NEGR1: variants seen among roughly 807,000 people sequenced by gnomAD.
NEGR1 encodes the protein IgLON family member 4.
NEGR1 carries 10 observed loss-of-function variants against 40.9 expected under a neutral mutation model. The ratio of observed to expected loss-of-function variants is 0.24; its 90% CI spans 0.15 to 0.42. The LOEUF is 0.42. Ranked by LOEUF, NEGR1 falls within the 10% of genes least tolerant of loss-of-function variation. The probability of loss-of-function intolerance (pLI) is 1.00; values close to 1 mark genes in which losing one functional copy is unlikely to be tolerated. For missense variants in NEGR1, 352 were observed against 438.9 expected, an observed-to-expected ratio of 0.80 and a Z score of 1.77; for synonymous variants, 185 against 166.8, an observed-to-expected ratio of 1.11 and a Z score of -0.84.
chr1:71,865,642 C>T (rs2993232), intron 2 of NEGR1, among the ~76,000 whole-genome samples: 5,473 of 152,120 alleles, frequency 0.036, 187 homozygotes, highest in African/African-American at 0.085. Flanking sequence ...AGGAGAAATA[C>T]TTAATGTAGA....
At chr1:72,159,025 C>T (rs1296987484) in intron 1 of NEGR1, among the ~76,000 whole-genome samples, 1 of 152,064 alleles carries the variant, frequency 6.6e-6, no homozygotes, top group East Asian at 1.9e-4. Context: ...GCTGAGACTG[C>T]TGATGGTGAG....
chr1:72,275,210 A>G (rs1289982615), intron 1 of NEGR1: 8 of 596,116 alleles, frequency 1.3e-5, no homozygotes, highest in African/African-American at 1.9e-5. Flanking sequence ...TCTTCACAAA[A>G]TATCAAAAAA....
intron 6 of NEGR1, among the ~76,000 whole-genome samples, chr1:71,534,450 C>T (rs1377580682): frequency 1.3e-5 from 2 of 151,542 alleles, no homozygotes; most frequent in Non-Finnish European, 3.0e-5. Context: ...ATCATGCTGC[C>T]TAGCTGACAG....
chr1:71,492,761 G>T (rs1182979014), intron 6 of NEGR1, among the ~76,000 whole-genome samples: 1 of 152,072 alleles, frequency 6.6e-6, no homozygotes, highest in African/African-American at 2.4e-5. Flanking sequence ...AATCCACTGG[G>T]AGTCTGATAT....
At chr1:71,489,602 T>C (rs560935928) in intron 6 of NEGR1, 1 of 152,076 alleles carries the variant, frequency 6.6e-6, no homozygotes, top group South Asian at 2.1e-4. Context: ...TAGTAACTAG[T>C]AGAGTCATGA....
intron 1 of NEGR1, chr1:72,275,219 A>G: frequency 1.7e-6 from 1 of 591,230 alleles, no homozygotes; most frequent in South Asian, 2.1e-5. Flanking sequence ...AATATCAAAA[A>G]ATTTCTATTA....
intron 2 of NEGR1, among the ~76,000 whole-genome samples, chr1:71,885,446 T>C (rs2101847701): frequency 6.6e-6 from 1 of 152,318 alleles, no homozygotes; most frequent in South Asian, 2.1e-4. Flanking sequence ...AGTTTTTTGT[T>C]TGTTTGTTTG....
intron 2 of NEGR1, among the ~76,000 whole-genome samples, chr1:71,864,569 TA>T (rs1660058108): frequency 6.6e-6 from 1 of 152,134 alleles, no homozygotes; most frequent in Admixed American, 6.6e-5. Context: ...TGGCATTTTT[TA>T]TATCCTTAAT....
At chr1:71,667,225 C>T (rs371150799) in intron 4 of NEGR1, among the ~76,000 whole-genome samples, 8 of 152,126 alleles carry the variant, frequency 5.3e-5, no homozygotes, top group South Asian at 2.1e-4. Flanking sequence ...GTTTAGTCTT[C>T]GATGTGACTC....
intron 6 of NEGR1, among the ~76,000 whole-genome samples, chr1:71,414,144 C>A (rs1285112044): frequency 6.6e-6 from 1 of 151,962 alleles, no homozygotes; most frequent in Non-Finnish European, 1.5e-5. Flanking sequence ...TGATTTACAC[C>A]CAAATAACGT....
At chr1:71,484,078 A>G (rs1012828047) in intron 6 of NEGR1, among the ~76,000 whole-genome samples, 1 of 151,642 alleles carries the variant, frequency 6.6e-6, no homozygotes, top group Admixed American at 6.6e-5. Flanking sequence ...TATTCTACTT[A>G]TTTTACTTAA....
chr1:71,912,799 T>G (rs898251602), intron 2 of NEGR1, among the ~76,000 whole-genome samples: 2 of 141,558 alleles, frequency 1.4e-5, no homozygotes, highest in African/African-American at 4.9e-5. Flanking sequence ...TGGATAGATG[T>G]ATGTACATGT....
chr1:72,258,968 A>G (rs149008905), intron 1 of NEGR1, among the ~76,000 whole-genome samples: 3 of 152,260 alleles, frequency 2.0e-5, no homozygotes, highest in Non-Finnish European at 4.4e-5. Flanking sequence ...AACAGGAAGA[A>G]AAAAGTATGG....
Position 71,775,994 on chromosome 1 carries a change from AAAATAAATAAATAAAT to A in NEGR1, c.535+162_535+177del, listed in dbSNP as rs34165866. ...GGGGACAGAGTAAGACTCTGTCTCAAAAATAAATAAATAAATAAATAAATAAATAAATAAATAAATA... is the reference window on the plus strand; with the variant it reads ...GGGGACAGAGTAAGACTCTGTCTCAAAAATAAATAAATAAATAAATAAATA... On this transcript the variant is annotated intron_variant, in intron 3 of 6. Transcript: ENST00000357731. Among the ~76,000 whole-genome samples, 152 of 141,826 alleles carry A rather than the reference AAAATAAATAAATAAAT, an allele frequency of 1.1e-3. 2 individuals carry two copies. The East Asian group carries it at 0.014, about 13-fold the overall frequency. The allele number at this position is 141,826 out of a possible 152,430, so 93.0% of individuals were successfully genotyped here.
chr1:72,255,855 T>C (rs538892977), intron 1 of NEGR1, among the ~76,000 whole-genome samples: 2 of 152,080 alleles, frequency 1.3e-5, no homozygotes, highest in Non-Finnish European at 2.9e-5. Flanking sequence ...AGCCAATACA[T>C]CTTAATTTTA....
At chr1:71,910,782 C>G (rs772869694) in intron 2 of NEGR1, among the ~76,000 whole-genome samples, 4 of 152,128 alleles carry the variant, frequency 2.6e-5, no homozygotes, top group African/African-American at 9.7e-5. Context: ...ACTGCAGCCT[C>G]GGCTTCGCAG....
intron 1 of NEGR1, among the ~76,000 whole-genome samples, chr1:71,996,737 A>T (rs1170411938): frequency 6.6e-6 from 1 of 152,120 alleles, no homozygotes; most frequent in Non-Finnish European, 1.5e-5. Flanking sequence ...AAGGATCAGA[A>T]GACATAACCA....
chr1:71,926,580 T>C (rs1325002605), intron 2 of NEGR1, among the ~76,000 whole-genome samples: 3 of 151,418 alleles, frequency 2.0e-5, no homozygotes, highest in Non-Finnish European at 4.4e-5. Flanking sequence ...CTCACAAAGT[T>C]CCTTCTATAG....
At chr1:72,251,556 A>G (rs182354955) in intron 1 of NEGR1, among the ~76,000 whole-genome samples, 3 of 152,104 alleles carry the variant, frequency 2.0e-5, no homozygotes, top group Non-Finnish European at 4.4e-5. Context: ...CATATAACCT[A>G]CCCTCATCCT....
Sources: gnomAD v4.1 joint callset for allele counts (sites outside exome capture counted in the v4.1 genomes callset) on GRCh38, gnomAD v4.1.1 for gene constraint, MANE v1.5 for transcripts, NCBI Gene and HGNC (gene_info 2026-07-23, HGNC 2026-07-21) for gene names.